Variants in RMI2 observed in about 807,000 individuals in gnomAD.
The protein encoded by RMI2 is RecQ mediated genome instability 2.
RMI2 carries 11 observed loss-of-function variants against 8.4 expected under a neutral mutation model. The observed-to-expected ratio is 1.32, with a 90% confidence interval of 0.83 to 2.18. The LOEUF (loss-of-function observed/expected upper bound fraction) is 2.18, where lower values mean the gene tolerates loss of function less well. Among genes scored for constraint, RMI2 ranks in the 30% most tolerant of loss-of-function variants. The pLI is 0.00. For synonymous variants in RMI2, 105 were observed against 93.8 expected, an observed-to-expected ratio of 1.12 and a Z score of -0.69; for missense variants, 253 against 207.5, an observed-to-expected ratio of 1.22 and a Z score of -1.35.
chr16:11,345,817 G>A lies in RMI2; in HGVS notation c.295+51G>A, dbSNP rs961678224. The stretch of plus-strand genomic sequence containing the variant: ...CCTCTTCCCTGCTGCCCGCCGAGAA[G>A]TTGCCGAGGCCAGATTCGATCTTGT... On this transcript the variant is annotated intron_variant, in intron 1 of 1. Coordinates refer to ENST00000312499, the MANE Select transcript of RMI2 (RefSeq NM_152308.3). 3 of 1,211,256 alleles carry A rather than the reference G, an allele frequency of 2.5e-6. No individual in the cohort carries two copies. In the East Asian group the frequency reaches 9.5e-5, roughly 38 times the overall value. The allele number at this position is 1,211,256 out of a possible 1,614,324, so 75.0% of individuals were successfully genotyped here. A position where few individuals can be genotyped will look rare whatever the true frequency, so the allele number is the denominator to read the frequency against.
chr16:11,346,176 C>G (rs1400144467), intron 1 of RMI2, among the ~76,000 whole-genome samples: 1 of 152,108 alleles, frequency 6.6e-6, no homozygotes, highest in East Asian at 1.9e-4. Flanking sequence ...CTCCCTAGCC[C>G]CTAGGAACGG....
rs1673902877 is a variant in RMI2 at position 11,350,901 on chromosome 16, C to G, written c.*111C>G. On this transcript the variant is annotated 3_prime_UTR_variant, in exon 2 of 2. Transcript: ENST00000312499. ...CAATGCGTATTTTTCAAATGCTTCT[C>G]AGAGAGCCTTGCTTTGGTTGACCAA... 1.1e-6 allele frequency: 1 copy of G among 922,150 alleles called. No homozygotes were observed. The highest frequency in any genetic ancestry group is 3.1e-5 in the Admixed American group (1 of 32,326). The allele number at this position is 922,150 out of a possible 1,614,324, so 57.1% of individuals were successfully genotyped here.
chr16:11,345,612 G>GGGCC lies in RMI2; in HGVS notation c.142_143insGCCG (p.Ala48GlyfsTer68). On this transcript the variant is annotated frameshift_variant, in exon 1 of 2. Transcript: ENST00000312499. LOFTEE classifies it high-confidence loss of function. Reference sequence around the variant, plus strand: ...GCGCGTGGCGGCTGTCACGGGCGGCGGCGGGCCGCGGGCCGCTGGACCTGG... The same window carrying GGGCC: ...GCGCGTGGCGGCTGTCACGGGCGGCGGGCCGCGGGCCGCGGGCCGCTGGACCTGG... The GGGCC allele has an allele frequency of 8.1e-7, 1 of 1,227,300 alleles. No homozygotes were observed. The highest frequency in any genetic ancestry group is 1.0e-6 in the Non-Finnish European group (1 of 985,442). 76.0% of individuals were successfully genotyped at this position (1,227,300 alleles called of 1,614,324 possible).
At chr16:11,348,911 A>G (rs1567493021) in intron 1 of RMI2, 1 of 152,498 alleles carries the variant, frequency 6.6e-6, no homozygotes, top group East Asian at 1.9e-4. Context: ...AGCCTGGGGC[A>G]GTGGTGGAAG....
chr16:11,345,683 A>AGGCTC lies in RMI2; in HGVS notation c.217_221dup (p.Arg75GlyfsTer2). The AGGCTC allele has an allele frequency of 7.9e-7, 1 of 1,271,240 alleles. No individual in the cohort carries two copies. Among genetic ancestry groups the AGGCTC allele is most frequent in the South Asian group, 3.6e-5 (1 of 28,046 alleles). The allele number at this position is 1,271,240 out of a possible 1,614,324, so 78.7% of individuals were successfully genotyped here. A position where few individuals can be genotyped will look rare whatever the true frequency, so the allele number is the denominator to read the frequency against. On this transcript the variant is annotated frameshift_variant, in exon 1 of 2. Transcript: ENST00000312499. LOFTEE classifies it high-confidence loss of function. ...AGGGTAGTGATGGCGGACCGCGGCG[A>AGGCTC]GGCTCGGCTGAGGGACCCGAGCGGG...
At chr16:11,346,181 G>A (rs2070865242) in intron 1 of RMI2, among the ~76,000 whole-genome samples, 1 of 151,898 alleles carries the variant, frequency 6.6e-6, no homozygotes, top group South Asian at 2.1e-4. Context: ...TAGCCCCTAG[G>A]AACGGGAGAC....
chr16:11,345,706 G>C lies in RMI2; in HGVS notation c.235G>C (p.Gly79Arg). 3 of 1,261,420 alleles carry C rather than the reference G, an allele frequency of 2.4e-6. No homozygotes were observed. Among genetic ancestry groups the C allele is most frequent in the Non-Finnish European group, 2.0e-6 (2 of 1,005,118 alleles). The allele number at this position is 1,261,420 out of a possible 1,614,324, so 78.1% of individuals were successfully genotyped here. A position where few individuals can be genotyped will look rare whatever the true frequency, so the allele number is the denominator to read the frequency against. Residue 79 changes from glycine to arginine, a missense_variant, in exon 1 of 2, where the codon GGG becomes CGG. Transcript: ENST00000312499. ...CGAGGCTCGGCTGAGGGACCCGAGC[G>C]GGGACTTCTCGGTCCGCGGCCTGGA... ...RGEARLRDPS[G>R]DFSVRGLERV... is the part of the protein sequence containing the mutation.
rs751599903 is a variant in RMI2 at position 11,350,722 on chromosome 16, T to C, written c.376T>C (p.Ser126Pro). The stretch of plus-strand genomic sequence containing the variant: ...GCAGGCTGTGAAGATGACAGACCTT[T>C]CTGATAATCCCATCCATGAAAGTAT... ...CLQAVKMTDL[S>P]DNPIHESMWE... Residue 126 changes from serine (S) to proline (P), a missense_variant, in exon 2 of 2, where the codon TCT becomes CCT. Transcript: ENST00000312499. The C allele has an allele frequency of 3.7e-6, 6 of 1,613,592 alleles. No homozygotes were observed. In the East Asian group the frequency reaches 1.3e-4, roughly 36 times the overall value.
chr16:11,349,759 G>A lies in RMI2; in HGVS notation c.296-883G>A, dbSNP rs568466364. On this transcript the variant is annotated intron_variant, in intron 1 of 1. Coordinates refer to ENST00000312499, the MANE Select transcript of RMI2 (RefSeq NM_152308.3). The surrounding 1 kb of genome is among the most constrained non-coding windows in gnomAD (Gnocchi z 4.2). ...ACGTGCAGTGCAATGAAAGCCTCAC[G>A]GGGCAGGCAGCAGGGCTGGCACCGG... Among the ~76,000 whole-genome samples, 26 of 152,162 alleles carry A rather than the reference G, an allele frequency of 1.7e-4. No individual in the cohort carries two copies. Among genetic ancestry groups the A allele is most frequent in the Non-Finnish European group, 2.4e-4 (16 of 68,022 alleles).
In RMI2 at chr16:11,349,919, T is replaced by C. The variant is rs576897800; in HGVS notation, c.296-723T>C. 1.3e-5 allele frequency among the ~76,000 whole-genome samples: 2 copies of C among 152,342 alleles called. No homozygotes were observed. Among genetic ancestry groups the C allele is most frequent in the Admixed American group, 1.3e-4 (2 of 15,312 alleles). ...GAAGAGAGTCACAGTTAATACGTCA[T>C]TAGATCATGCCGGTGGCAGCCGGCC... is the stretch of plus-strand genomic sequence containing the variant. On this transcript the variant is annotated intron_variant, in intron 1 of 1. Coordinates refer to ENST00000312499, the MANE Select transcript of RMI2 (RefSeq NM_152308.3). This position sits in a 1 kb window ranked among gnomAD's most constrained non-coding sequence, Gnocchi z 4.2.
chr16:11,349,772 GGGCT>G lies in RMI2; in HGVS notation c.296-866_296-863del, dbSNP rs1410202751. ...TGAAAGCCTCACGGGGCAGGCAGCA[GGGCT>G]GGCACCGGGCCTGTCCTTCCTGCAG... is the stretch of plus-strand genomic sequence containing the variant. On this transcript the variant is annotated intron_variant, in intron 1 of 1. Coordinates refer to ENST00000312499, the MANE Select transcript of RMI2 (RefSeq NM_152308.3). This position sits in a 1 kb window ranked among gnomAD's most constrained non-coding sequence, Gnocchi z 4.2. Among the ~76,000 whole-genome samples the G allele has an allele frequency of 6.6e-6, 1 of 152,178 alleles. No individual in the cohort carries two copies. The highest frequency in any genetic ancestry group is 1.5e-5 in the Non-Finnish European group (1 of 68,040).
rs540958564 is a variant in RMI2, at chr16:11,351,375, A to C, written c.*585A>C. ...CCCTTTCTGCTTCGGACACCACTCA[A>C]ACATTTAGACGCAGCTCTATCCCTT... On this transcript the variant is annotated 3_prime_UTR_variant, in exon 2 of 2. Transcript: ENST00000312499. 1 of 232,666 alleles carries C rather than the reference A, an allele frequency of 4.3e-6. No homozygotes were observed. The highest frequency in any genetic ancestry group is 1.8e-4 in the South Asian group (1 of 5,522). 14.4% of individuals were successfully genotyped at this position (232,666 alleles called of 1,614,324 possible).
In RMI2 at chr16:11,345,477, G is replaced by GGCGGCT; in HGVS notation, c.11_16dup (p.Ala4_Ala5dup). 7.6e-7 allele frequency: 1 copy of GGCGGCT among 1,309,582 alleles called. No homozygotes were observed. The highest frequency in any genetic ancestry group is 9.8e-7 in the Non-Finnish European group (1 of 1,025,384). The allele number at this position is 1,309,582 out of a possible 1,614,324, so 81.1% of individuals were successfully genotyped here. A position where few individuals can be genotyped will look rare whatever the true frequency, so the allele number is the denominator to read the frequency against. On this transcript the variant is annotated inframe_insertion, in exon 1 of 2. Transcript: ENST00000312499. ...GAAGGGTGCGGCGAGGCGGAATGGC[G>GGCGGCT]GCGGCTGCGGACTCGTTCTCAGGCG...
At chr16:11,347,636 C>A (rs2070896111) in intron 1 of RMI2, among the ~76,000 whole-genome samples, 1 of 152,144 alleles carries the variant, frequency 6.6e-6, no homozygotes, top group Non-Finnish European at 1.5e-5. Flanking sequence ...TGCTCCTGTT[C>A]CGTCTTCCCA....
In RMI2 at chr16:11,351,231, G is replaced by A. The variant is rs1323783308; in HGVS notation, c.*441G>A. On this transcript the variant is annotated 3_prime_UTR_variant, in exon 2 of 2. Transcript: ENST00000312499. ...GGTTATGGGCAGGAAGACAGACTGT[G>A]TAAAAAAGGAATGACATCCTGGCTC... The A allele has an allele frequency of 8.6e-6, 2 of 233,240 alleles. No homozygotes were observed. Among genetic ancestry groups the A allele is most frequent in the Non-Finnish European group, 1.7e-5 (2 of 118,142 alleles). 14.4% of individuals were successfully genotyped at this position (233,240 alleles called of 1,614,324 possible).
At position 11,345,494 on chromosome 16, in the gene RMI2, T is replaced by G; in HGVS notation, c.23T>G (p.Phe8Cys). 1.5e-6 allele frequency: 2 copies of G among 1,316,380 alleles called. No individual in the cohort carries two copies. Among genetic ancestry groups the G allele is most frequent in the South Asian group, 4.3e-5 (2 of 46,078 alleles). The allele number at this position is 1,316,380 out of a possible 1,614,324, so 81.5% of individuals were successfully genotyped here. ...GGAATGGCGGCGGCTGCGGACTCGT[T>G]CTCAGGCGGCCCCGCGGGGGTGCGG... is the stretch of plus-strand genomic sequence containing the variant. Reference protein sequence around the residue: MAAAADSFSGGPAGVRLP... With the variant: MAAAADSCSGGPAGVRLP... Residue 8 changes from phenylalanine to cysteine, a missense_variant, in exon 1 of 2, where the codon TTC becomes TGC. Coordinates refer to ENST00000312499, the MANE Select transcript of RMI2 (RefSeq NM_152308.3).
chr16:11,347,133 T>TA (rs1567492345), intron 1 of RMI2, among the ~76,000 whole-genome samples: 1 of 152,218 alleles, frequency 6.6e-6, no homozygotes, highest in African/African-American at 2.4e-5. Context: ...GAGACCTAGA[T>TA]AGAGTCTGCT....
At chr16:11,345,892 C>T (rs1236092321) in intron 1 of RMI2, 126 bp downstream of exon 1, 1 of 764,158 alleles carries the variant, frequency 1.3e-6, no homozygotes, top group African/African-American at 1.8e-5. Context: ...CTCCGGGCCT[C>T]TGCCCCTGCG....
intron 1 of RMI2, 141 bp from the exon 2 acceptor site, chr16:11,350,501 A>C (rs1159771754): frequency 1.6e-6 from 1 of 608,612 alleles, no homozygotes; most frequent in African/African-American, 1.9e-5. Context: ...GAGGCACAAG[A>C]ATCACTTAAA....
Sources: gnomAD v4.1 joint callset for allele counts (sites outside exome capture counted in the v4.1 genomes callset) on GRCh38, gnomAD v4.1.1 for gene constraint, Gnocchi (gnomAD v3.1) non-coding constraint, MANE v1.5 for transcripts, NCBI Gene and HGNC (gene_info 2026-07-23, HGNC 2026-07-21) for gene names.